The following NCAM2 variants were observed in gnomAD, a reference collection of about 807,000 sequenced individuals.
NCAM2 encodes the protein N-CAM-2.
A neutral mutation model predicts 98.1 loss-of-function variants in NCAM2; 30 were observed. The observed-to-expected ratio is 0.31, with a 90% CI of 0.23 to 0.41. The LOEUF (loss-of-function observed/expected upper bound fraction) is 0.41. Among genes scored for constraint, NCAM2 ranks in the 10% least tolerant of loss-of-function variants. NCAM2 has a pLI of 1.00. For missense variants in NCAM2, 867 were observed against 1,005.8 expected (o/e 0.86, Z 1.87); for synonymous variants, 368 against 342.4 (o/e 1.07, Z -0.83).
At chr21:21,452,971 T>TA (rs1569079661) in intron 12 of NCAM2, among the ~76,000 whole-genome samples, 1,599 of 31,830 alleles carry the variant, frequency 0.05, 29 homozygotes, top group Non-Finnish European at 0.092. Flanking sequence ...ATATTATATA[T>TA]TATTATATAT....
chr21:21,338,343 A>T, intron 7 of NCAM2, 46 bp from the exon 8 acceptor site: 2 of 1,557,350 alleles, frequency 1.3e-6, no homozygotes, highest in Non-Finnish European at 1.8e-6. Flanking sequence ...CTGAGAAGTA[A>T]TATTTTCCTC....
intron 1 of NCAM2, among the ~76,000 whole-genome samples, chr21:21,145,813 G>A (rs2067260472): frequency 6.6e-6 from 1 of 152,152 alleles, no homozygotes. Flanking sequence ...ATAATCCATG[G>A]ATTTAATAGT....
intron 1 of NCAM2, among the ~76,000 whole-genome samples, chr21:21,181,237 C>A (rs181003147): frequency 3.3e-5 from 5 of 152,124 alleles, no homozygotes; most frequent in Admixed American, 3.3e-4. Flanking sequence ...GATTTGAGTT[C>A]TAATTTTTTA....
At chr21:21,530,254 ATAATT>A (rs1185893132) in intron 16 of NCAM2, among the ~76,000 whole-genome samples, 1 of 96,744 alleles carries the variant, frequency 1.0e-5, no homozygotes, top group Non-Finnish European at 2.2e-5. Flanking sequence ...TTAATTATAT[ATAATT>A]TAATTTAATT....
chr21:21,277,921 A>G (rs558285965), intron 1 of NCAM2, among the ~76,000 whole-genome samples: 1 of 152,276 alleles, frequency 6.6e-6, no homozygotes, highest in African/African-American at 2.4e-5. Context: ...GCAATGTTTG[A>G]AAATTGATTG....
At chr21:21,349,632 A>G (rs764822487) in intron 8 of NCAM2, among the ~76,000 whole-genome samples, 2 of 152,188 alleles carry the variant, frequency 1.3e-5, no homozygotes, top group Admixed American at 6.6e-5. Flanking sequence ...CTGCACTCCT[A>G]TGTTTGTTGC....
At chr21:21,027,761 T>C (rs947308395) in intron 1 of NCAM2, among the ~76,000 whole-genome samples, 1 of 152,188 alleles carries the variant, frequency 6.6e-6, no homozygotes. Flanking sequence ...TGCGTTAATA[T>C]ACATTATTTT....
At chr21:21,200,338 G>A (rs376138642) in intron 1 of NCAM2, among the ~76,000 whole-genome samples, 5 of 149,320 alleles carry the variant, frequency 3.3e-5, no homozygotes, top group Non-Finnish European at 7.4e-5. Context: ...CTCAGAAGTC[G>A]CATGACTCAT....
At chr21:21,341,119 A>G (rs961288520) in intron 8 of NCAM2, among the ~76,000 whole-genome samples, 2 of 152,142 alleles carry the variant, frequency 1.3e-5, no homozygotes, top group Admixed American at 6.6e-5. Context: ...ATGAAATTAC[A>G]TATGAGAATG....
At chr21:21,124,888 A>G (rs765840369) in intron 1 of NCAM2, among the ~76,000 whole-genome samples, 48 of 152,126 alleles carry the variant, frequency 3.2e-4, no homozygotes, top group Non-Finnish European at 5.3e-4. Context: ...CTGGAGCCTG[A>G]TTGTATCATT....
intron 1 of NCAM2, among the ~76,000 whole-genome samples, chr21:21,180,646 A>G: frequency 6.6e-6 from 1 of 152,182 alleles, no homozygotes; most frequent in East Asian, 1.9e-4. Context: ...AGAAAATACT[A>G]TACATTAAAG....
chr21:21,360,212 G>A (rs1224654697), intron 8 of NCAM2, among the ~76,000 whole-genome samples: 1 of 151,842 alleles, frequency 6.6e-6, no homozygotes, highest in Non-Finnish European at 1.5e-5. Flanking sequence ...CACAGAAGTT[G>A]CAATGGATTC....
At chr21:21,246,438 CAG>C (rs1362261336) in intron 1 of NCAM2, among the ~76,000 whole-genome samples, 7 of 151,916 alleles carry the variant, frequency 4.6e-5, no homozygotes, top group African/African-American at 1.7e-4. Context: ...GATGATAAAT[CAG>C]AGAGAAGTAG....
intron 5 of NCAM2, among the ~76,000 whole-genome samples, chr21:21,302,910 C>G (rs2073766298): frequency 6.6e-6 from 1 of 152,084 alleles, no homozygotes; most frequent in South Asian, 2.1e-4. Context: ...ACATGAAATA[C>G]TATGCAGCCA....
intron 1 of NCAM2, among the ~76,000 whole-genome samples, chr21:21,220,792 T>C (rs975339728): frequency 8.5e-5 from 13 of 152,318 alleles, no homozygotes; most frequent in Non-Finnish European, 1.6e-4. Context: ...ATTCTGCATT[T>C]TTTATAAGCT....
At chr21:21,066,436 A>G (rs1417906436) in intron 1 of NCAM2, among the ~76,000 whole-genome samples, 3 of 152,098 alleles carry the variant, frequency 2.0e-5, no homozygotes, top group Middle Eastern at 6.8e-3. Context: ...ACACACAGAT[A>G]TACACCTTTA....
chr21:21,404,643 A>G (rs1018854297), intron 9 of NCAM2, among the ~76,000 whole-genome samples: 5 of 152,018 alleles, frequency 3.3e-5, no homozygotes, highest in African/African-American at 1.2e-4. Context: ...GTATATATGT[A>G]TATATAGTAT....
rs565154676 is a variant in NCAM2, at chr21:21,333,120, A to T, written c.738-2385A>T. Among the ~76,000 whole-genome samples the T allele has an allele frequency of 4.6e-5, 7 of 152,254 alleles. No homozygotes were observed. The South Asian group carries it at 8.3e-4, about 18-fold the overall frequency. On this transcript the variant is annotated intron_variant, in intron 6 of 17. Coordinates refer to ENST00000400546, the MANE Select transcript of NCAM2 (RefSeq NM_004540.5). ...AGACGTTGACATTTCATAGACATGG[A>T]TTGTGAATAGCAATAGGAGCATTTC...
chr21:21,469,301 A>G (rs1984124982), intron 14 of NCAM2, among the ~76,000 whole-genome samples: 1 of 152,042 alleles, frequency 6.6e-6, no homozygotes, highest in Admixed American at 6.6e-5. Flanking sequence ...GGAGAGCTAA[A>G]AGCTGCACAC....
Sources: gnomAD v4.1 joint callset for allele counts (sites outside exome capture counted in the v4.1 genomes callset) on GRCh38, gnomAD v4.1.1 for gene constraint, MANE v1.5 for transcripts, NCBI Gene and HGNC (gene_info 2026-07-23, HGNC 2026-07-21) for gene names.